Variants in RHOBTB3 observed in about 807,000 individuals in gnomAD.
The protein encoded by RHOBTB3 is Rho related BTB domain containing 3.
In RHOBTB3, 47 loss-of-function variants were observed where a neutral mutation model predicts 67.2. The observed-to-expected ratio is 0.70, with a 90% CI of 0.55 to 0.89. The LOEUF (loss-of-function observed/expected upper bound fraction) is 0.89. Among genes scored for constraint, RHOBTB3 ranks in the 40% least tolerant of loss-of-function variants. The pLI is 0.00. For missense variants in RHOBTB3, 631 were observed against 750.0 expected (o/e 0.84, Z 1.85); for synonymous variants, 273 against 274.2 (o/e 1.00, Z 0.04).
chr5:95,764,418 A>G (rs1745484356), intron 7 of RHOBTB3, among the ~76,000 whole-genome samples: 3 of 152,226 alleles, frequency 2.0e-5, no homozygotes, highest in Admixed American at 1.3e-4. Context: ...CTCATCAATT[A>G]TAGGTTCAAA....
chr5:95,743,713 A>ATTT (rs746240058), intron 3 of RHOBTB3, among the ~76,000 whole-genome samples: 7 of 84,118 alleles, frequency 8.3e-5, no homozygotes, highest in African/African-American at 2.0e-4. Context: ...CCTCCCCCCC[A>ATTT]TTTTTTTTTT....
At position 95,794,246 on chromosome 5, in the gene RHOBTB3, G is replaced by T. The variant is rs1359748004; in HGVS notation, c.*1072G>T. On this transcript the variant is annotated 3_prime_UTR_variant, in exon 12 of 12. Coordinates refer to ENST00000379982, the MANE Select transcript of RHOBTB3 (RefSeq NM_014899.4). ...ATCATTCTGTAAGACCAGGAGGTTG[G>T]TAAGAGTGACTAACCAGCCTAACTT... 3.8e-6 allele frequency: 1 copy of T among 266,018 alleles called. No homozygotes were observed. Among genetic ancestry groups the T allele is most frequent in the African/African-American group, 2.2e-5 (1 of 45,100 alleles). The allele number at this position is 266,018 out of a possible 1,614,324, so 16.5% of individuals were successfully genotyped here.
chr5:95,728,775 T>C (rs1017420272), upstream of RHOBTB3, among the ~76,000 whole-genome samples: 7 of 152,124 alleles, frequency 4.6e-5, no homozygotes, highest in Admixed American at 2.6e-4. Context: ...CAGGATGAGA[T>C]AGGAGGTCAG....
chr5:95,727,156 G>T (rs1257891375), upstream of RHOBTB3, among the ~76,000 whole-genome samples: 1 of 151,980 alleles, frequency 6.6e-6, no homozygotes, highest in Admixed American at 6.6e-5. Flanking sequence ...TTTTTTAAAA[G>T]ACAGCAATAA....
At chr5:95,746,648 T>C (rs1246588131) in intron 3 of RHOBTB3, among the ~76,000 whole-genome samples, 2 of 152,200 alleles carry the variant, frequency 1.3e-5, no homozygotes, top group Non-Finnish European at 2.9e-5. Flanking sequence ...AAACTATATT[T>C]TTATTTTTCC....
chr5:95,749,276 C>T (rs781053297), intron 4 of RHOBTB3, among the ~76,000 whole-genome samples: 5 of 152,254 alleles, frequency 3.3e-5, no homozygotes, highest in African/African-American at 9.6e-5. Context: ...CATCCGCCAT[C>T]GGTTCCCTAG....
chr5:95,722,557 C>T (rs554712622), intron 1 of RHOBTB3, among the ~76,000 whole-genome samples: 104 of 152,202 alleles, frequency 6.8e-4, no homozygotes, highest in African/African-American at 2.4e-3. Context: ...GTGGCGTGAC[C>T]TCGGCTCACG....
At chr5:95,754,018 G>A (rs1056937431) in intron 5 of RHOBTB3, among the ~76,000 whole-genome samples, 1 of 152,174 alleles carries the variant, frequency 6.6e-6, no homozygotes. Flanking sequence ...CTGAGGCAGA[G>A]CTGCATGAAC....
At position 95,755,752 on chromosome 5, in the gene RHOBTB3, A is replaced by G. The variant is rs765575970; in HGVS notation, c.1039A>G (p.Ile347Val). The change falls in exon 6 of 12, where the codon ATT becomes GTT. Residue 347 changes from isoleucine to valine, a missense_variant. Physicochemically the swap from Ile to Val is conservative, Grantham distance 29. Coordinates refer to ENST00000379982, the MANE Select transcript of RHOBTB3 (RefSeq NM_014899.4). Reference protein sequence around the residue: ...CSCLSDILRFIYSGAFQWEEL... With the variant: ...CSCLSDILRFVYSGAFQWEEL... ...TTGTTTATCAGACATCCTTCGCTTC[A>G]TTTATTCAGGTATCTTGTCAAGTGG... The G allele has an allele frequency of 6.2e-7, 1 of 1,613,392 alleles. No homozygotes were observed. The highest frequency in any genetic ancestry group is 8.5e-7 in the Non-Finnish European group (1 of 1,179,952).
rs370887779 is a variant in RHOBTB3 at position 95,767,188 on chromosome 5, G to A, written c.1162-858G>A. ...ATCGCACCATTGCACTCTAGCCTGG[G>A]CCACAGAGCAAGACTCCATCTCAAA... On this transcript the variant is annotated intron_variant, in intron 7 of 11. Coordinates refer to ENST00000379982, the MANE Select transcript of RHOBTB3 (RefSeq NM_014899.4). Among the ~76,000 whole-genome samples, 110 of 151,904 alleles carry A rather than the reference G, an allele frequency of 7.2e-4. 1 individual carries two copies. The highest frequency in any genetic ancestry group is 2.5e-3 in the African/African-American group (104 of 41,434).
intron 6 of RHOBTB3, among the ~76,000 whole-genome samples, chr5:95,760,967 G>A (rs552048769): frequency 1.1e-3 from 164 of 152,300 alleles, no homozygotes; most frequent in South Asian, 3.7e-3. Flanking sequence ...CCAATCAGCA[G>A]TGTGCTCTTG....
intron 1 of RHOBTB3, among the ~76,000 whole-genome samples, chr5:95,721,494 T>C (rs550145251): frequency 6.6e-6 from 1 of 152,154 alleles, no homozygotes; most frequent in African/African-American, 2.4e-5. Context: ...GCAGGGGGTT[T>C]GGATCTGGCT....
chr5:95,737,960 A>G (rs1580396222), intron 3 of RHOBTB3, among the ~76,000 whole-genome samples: 2 of 152,258 alleles, frequency 1.3e-5, no homozygotes, highest in African/African-American at 4.8e-5. Flanking sequence ...AACTTCATAC[A>G]AATGAAATTA....
At chr5:95,770,308 G>T in intron 8 of RHOBTB3, 1 of 281,722 alleles carries the variant, frequency 3.5e-6, no homozygotes, top group South Asian at 5.0e-5. Context: ...TACTGAAGAA[G>T]ACATCATTCT....
intron 2 of RHOBTB3, 36 bp downstream of exon 2, chr5:95,732,120 G>A: frequency 1.3e-6 from 2 of 1,596,364 alleles, no homozygotes; most frequent in Non-Finnish European, 1.7e-6. Context: ...TGAGGCTGAA[G>A]AAGCTTTTCT....
At chr5:95,746,736 A>G (rs1442000578) in intron 3 of RHOBTB3, among the ~76,000 whole-genome samples, 1 of 152,108 alleles carries the variant, frequency 6.6e-6, no homozygotes, top group Admixed American at 6.5e-5. Flanking sequence ...CCACAAAGAG[A>G]CTTGGAAAAG....
At chr5:95,764,434 A>G (rs140473337) in intron 7 of RHOBTB3, among the ~76,000 whole-genome samples, 218 of 152,330 alleles carry the variant, frequency 1.4e-3, no homozygotes, top group Middle Eastern at 0.014. Context: ...TCAAAATTAT[A>G]AATTAGATTC....
At chr5:95,745,372 T>G (rs1010165362) in intron 3 of RHOBTB3, among the ~76,000 whole-genome samples, 1 of 152,194 alleles carries the variant, frequency 6.6e-6, no homozygotes, top group African/African-American at 2.4e-5. Context: ...ATTTTCGGCT[T>G]ATACTAAATA....
chr5:95,731,671 G>C lies in RHOBTB3; in HGVS notation c.-12G>C. 6.2e-7 allele frequency: 1 copy of C among 1,613,432 alleles called. No individual in the cohort carries two copies. The highest frequency in any genetic ancestry group is 8.5e-7 in the Non-Finnish European group (1 of 1,179,782). ...TTCTCCGAGTCGCCGCCCTGCCCTTGGATTTGAGATCATGTACGTACGCGC... is the reference window on the plus strand; with the variant it reads ...TTCTCCGAGTCGCCGCCCTGCCCTTCGATTTGAGATCATGTACGTACGCGC... On this transcript the variant is annotated 5_prime_UTR_variant, in exon 1 of 12. Coordinates refer to ENST00000379982, the MANE Select transcript of RHOBTB3 (RefSeq NM_014899.4).
Sources: allele counts gnomAD v4.1 joint callset (sites outside exome capture counted in the v4.1 genomes callset), GRCh38; gene constraint gnomAD v4.1.1; transcripts MANE v1.5; gene names NCBI Gene and HGNC (gene_info 2026-07-23, HGNC 2026-07-21).